MXRA7: variants seen among roughly 807,000 people sequenced by gnomAD.
The protein encoded by MXRA7 is matrix-remodeling-associated protein 7.
Under a neutral mutation model 17.4 loss-of-function variants are expected in MXRA7, and 18 were observed. The observed-to-expected ratio is 1.03, with a 90% CI of 0.71 to 1.53. The LOEUF is 1.53. Ranked by LOEUF, MXRA7 falls within the 40% of genes most tolerant of loss-of-function variation. The pLI, the probability that MXRA7 is intolerant of heterozygous loss-of-function variation, is 0.00. For missense variants in MXRA7, 141 were observed against 209.3 expected (o/e 0.67, Z 2.01); for synonymous variants, 70 against 101.7 (o/e 0.69, Z 1.87).
intron 1 of MXRA7, among the ~76,000 whole-genome samples, chr17:76,700,390 C>G (rs1174107140): frequency 6.6e-6 from 1 of 152,146 alleles, no homozygotes; most frequent in African/African-American, 2.4e-5. Context: ...TCTGTCTGAA[C>G]GCTTCTGGCA....
chr17:76,683,068 G>A lies in MXRA7; in HGVS notation c.500+2004C>T, dbSNP rs147170358. Among the ~76,000 whole-genome samples, 1,463 of 152,304 alleles carry A rather than the reference G, an allele frequency of 9.6e-3. 28 individuals carry two copies. The highest frequency in any genetic ancestry group is 0.033 in the African/African-American group (1,359 of 41,554). On this transcript the variant is annotated intron_variant, in intron 3 of 3. Transcript: ENST00000449428. ...AGTGGCAGTTTCACCCCCAGCCGGA[G>A]GCCTGGTCTTTCTTGTTCTAAGAGG...
chr17:76,695,210 C>T (rs1420456291), intron 1 of MXRA7, among the ~76,000 whole-genome samples: 1 of 152,118 alleles, frequency 6.6e-6, no homozygotes, highest in Non-Finnish European at 1.5e-5. Context: ...GTGTTGACTG[C>T]ATTTTGCCCT....
chr17:76,688,167 G>T lies in MXRA7; in HGVS notation c.352C>A (p.Gln118Lys), dbSNP rs779580659. Residue 118 changes from glutamine to lysine, a missense_variant, in exon 2 of 4, where the codon CAG (glutamine) becomes AAG (lysine). Gln to Lys is a moderately conservative substitution (Grantham distance 53, BLOSUM62 1). Coordinates refer to ENST00000449428, the MANE Select transcript of MXRA7 (RefSeq NM_198530.4). ...GGCCCCTTCTCACCATCCAAGTCCT[G>T]CTCCTCTTCCTGCAAGACAAGGACA... Reference protein sequence around the residue: ...QAVEARQEEEQDLDGEKGPSS... With the variant: ...QAVEARQEEEKDLDGEKGPSS... The T allele has an allele frequency of 1.9e-6, 3 of 1,614,032 alleles. No individual in the cohort carries two copies. Among genetic ancestry groups the T allele is most frequent in the Non-Finnish European group, 2.5e-6 (3 of 1,180,024 alleles).
downstream of MXRA7, chr17:76,676,120 A>G (rs1046552115): frequency 2.0e-5 from 3 of 152,212 alleles, no homozygotes; most frequent in African/African-American, 7.2e-5. Context: ...TCACAAAGAC[A>G]GAACAATCCC....
intron 1 of MXRA7, among the ~76,000 whole-genome samples, chr17:76,691,124 C>T (rs1217598947): frequency 1.3e-5 from 2 of 152,172 alleles, no homozygotes; most frequent in Admixed American, 6.5e-5. Flanking sequence ...CCTCCAGAGA[C>T]TGGAGAGGAG....
At chr17:76,678,474 G>A (rs34349009), downstream of MXRA7, among the ~76,000 whole-genome samples, 27,569 of 152,164 alleles carry the variant, frequency 0.18, 3,402 homozygotes, top group Non-Finnish European at 0.28. Context: ...GGCGGCTGCC[G>A]AACCCAGGGA....
chr17:76,695,054 G>A (rs540924741), intron 1 of MXRA7, among the ~76,000 whole-genome samples: 2 of 152,242 alleles, frequency 1.3e-5, no homozygotes, highest in African/African-American at 4.8e-5. Flanking sequence ...CAGCTACTTG[G>A]GAGGCTGAGT....
At chr17:76,695,723 G>T (rs1480256450) in intron 1 of MXRA7, among the ~76,000 whole-genome samples, 1 of 152,168 alleles carries the variant, frequency 6.6e-6, no homozygotes, top group Admixed American at 6.5e-5. Flanking sequence ...AGGCATGGAG[G>T]CACGGAACAC....
chr17:76,706,323 A>G (rs79373832), intron 1 of MXRA7, among the ~76,000 whole-genome samples: 5,909 of 46,850 alleles, frequency 0.13, 1,196 homozygotes, highest in East Asian at 0.21. Context: ...TGCCATCACA[A>G]AGGACCACGC....
At chr17:76,688,413 C>T in intron 1 of MXRA7, 1 of 1,397,124 alleles carries the variant, frequency 7.2e-7, no homozygotes, top group Non-Finnish European at 9.3e-7. Flanking sequence ...ACTGTGCACC[C>T]CAAGCCCTCG....
chr17:76,705,944 A>G (rs1322940771), intron 1 of MXRA7, among the ~76,000 whole-genome samples: 1 of 152,230 alleles, frequency 6.6e-6, no homozygotes, highest in Non-Finnish European at 1.5e-5. Flanking sequence ...GGCTTCTGAG[A>G]TTTTGCTAAG....
intron 3 of MXRA7, among the ~76,000 whole-genome samples, chr17:76,684,867 G>A (rs750736616): frequency 7.2e-5 from 11 of 152,152 alleles, no homozygotes; most frequent in Non-Finnish European, 1.5e-4. Flanking sequence ...TGCCAGGGAG[G>A]GGTGCCAGGG....
At chr17:76,692,657 A>C (rs1282569726) in intron 1 of MXRA7, among the ~76,000 whole-genome samples, 1 of 146,888 alleles carries the variant, frequency 6.8e-6, no homozygotes, top group Admixed American at 6.9e-5. Context: ...AAAATGGGCG[A>C]CCAAAGTCTT....
intron 1 of MXRA7, among the ~76,000 whole-genome samples, chr17:76,693,475 C>CAAAAAA (rs59677254): frequency 1.0e-5 from 1 of 98,630 alleles, no homozygotes; most frequent in Non-Finnish European, 1.9e-5. Flanking sequence ...AGATCTGTCT[C>CAAAAAA]AAAAAAAAAA....
chr17:76,673,740 G>T (rs2076220048), exon 4 of MXRA7: 2 of 152,134 alleles, frequency 1.3e-5, no homozygotes, highest in African/African-American at 4.8e-5. Context: ...CGGCAGAGAG[G>T]GGTACTGGGA....
At chr17:76,693,259 T>G (rs8073649) in intron 1 of MXRA7, among the ~76,000 whole-genome samples, 48,183 of 149,920 alleles carry the variant, frequency 0.32, 8,042 homozygotes, top group Non-Finnish European at 0.38. Flanking sequence ...CACGAGGTCA[T>G]TAGTTCGAGA....
At chr17:76,706,105 CCA>C (rs2076652079) in intron 1 of MXRA7, among the ~76,000 whole-genome samples, 1 of 151,862 alleles carries the variant, frequency 6.6e-6, no homozygotes, top group African/African-American at 2.4e-5. Flanking sequence ...GCCCACGCTG[CCA>C]TCACAAAGGC....
In MXRA7 at chr17:76,679,723, AT is replaced by A; in HGVS notation, c.*1143del. The A allele has an allele frequency of 1.8e-6, 1 of 552,384 alleles. No homozygotes were observed. Among genetic ancestry groups the A allele is most frequent in the Non-Finnish European group, 2.3e-6 (1 of 433,216 alleles). 34.2% of individuals were successfully genotyped at this position (552,384 alleles called of 1,614,324 possible). A position where few individuals can be genotyped will look rare whatever the true frequency, so the allele number is the denominator to read the frequency against. On this transcript the variant is annotated 3_prime_UTR_variant, in exon 4 of 4. Coordinates refer to ENST00000449428, the MANE Select transcript of MXRA7 (RefSeq NM_198530.4). ...TCTACTAGGAGGGAGTCAACGACCT[AT>A]TGTGTCAATTAGATCCCAGCCTGGA...
At chr17:76,683,119 G>A (rs1293207987) in intron 3 of MXRA7, among the ~76,000 whole-genome samples, 1 of 152,236 alleles carries the variant, frequency 6.6e-6, no homozygotes, top group Non-Finnish European at 1.5e-5. Context: ...TGCCTGAGCA[G>A]CCTCTGTCCC....
Sources: gnomAD v4.1 joint callset for allele counts (sites outside exome capture counted in the v4.1 genomes callset) on GRCh38, gnomAD v4.1.1 for gene constraint, MANE v1.5 for transcripts, NCBI Gene and HGNC (gene_info 2026-07-23, HGNC 2026-07-21) for gene names.